Variants in STK3 observed in about 807,000 individuals in gnomAD.
STK3 encodes the protein serine/threonine kinase 3.
STK3 carries 41 observed loss-of-function variants against 58.0 expected under a neutral mutation model. The ratio of observed to expected loss-of-function variants is 0.71; its 90% CI spans 0.55 to 0.92. The LOEUF is 0.92. Ranked by LOEUF, STK3 falls within the 40% of genes least tolerant of loss-of-function variation. The probability of loss-of-function intolerance (pLI) is 0.00; values close to 1 mark genes in which losing one functional copy is unlikely to be tolerated. For missense variants in STK3, 479 were observed against 602.7 expected (o/e 0.79, Z 2.15); for synonymous variants, 170 against 191.0 (o/e 0.89, Z 0.91).
intron 3 of STK3, among the ~76,000 whole-genome samples, chr8:98,411,968 G>A (rs1818062024): frequency 6.6e-6 from 1 of 152,072 alleles, no homozygotes; most frequent in Non-Finnish European, 1.5e-5. Flanking sequence ...TCTGTTCCTT[G>A]GGCTTGATTA....
chr8:98,935,030 C>T (rs537054555), intron 1 of STK3, among the ~76,000 whole-genome samples: 69 of 152,328 alleles, frequency 4.5e-4, no homozygotes, highest in Admixed American at 1.1e-3. Context: ...ATCCATTCTC[C>T]TTTTCTTTAG....
intron 4 of STK3, among the ~76,000 whole-genome samples, chr8:98,713,056 G>T (rs1404223809): frequency 6.6e-6 from 1 of 152,050 alleles, no homozygotes; most frequent in Non-Finnish European, 1.5e-5. Flanking sequence ...ACGAAATGAA[G>T]GCAGAAATAA....
chr8:98,856,472 C>T (rs1377437216), intron 3 of STK3, among the ~76,000 whole-genome samples: 1 of 152,170 alleles, frequency 6.6e-6, no homozygotes, highest in Non-Finnish European at 1.5e-5. Flanking sequence ...CATCATTAGT[C>T]ATCAAGGAGA....
At chr8:98,685,205 T>C (rs959586248) in intron 6 of STK3, among the ~76,000 whole-genome samples, 1 of 152,174 alleles carries the variant, frequency 6.6e-6, no homozygotes, top group African/African-American at 2.4e-5. Context: ...TCAGTAAGTA[T>C]TACTCTAAGC....
At chr8:98,732,890 A>G (rs1828311019) in intron 4 of STK3, among the ~76,000 whole-genome samples, 1 of 152,232 alleles carries the variant, frequency 6.6e-6, no homozygotes, top group Non-Finnish European at 1.5e-5. Context: ...ACAAAAAAAG[A>G]AAAAACTCCC....
Position 98,455,824 on chromosome 8 carries a change from A to C in STK3, c.*18T>G. 1 of 1,612,892 alleles carries C rather than the reference A, an allele frequency of 6.2e-7. No homozygotes were observed. The highest frequency in any genetic ancestry group is 2.2e-5 in the East Asian group (1 of 44,856). On this transcript the variant is annotated 3_prime_UTR_variant, in exon 11 of 11. Transcript: ENST00000419617. ...TTCTTGGTCTCCAGAATAGTTAAAA[A>C]CAGAGAGGAAATTAGACTCAAAAGT...
intron 6 of STK3, among the ~76,000 whole-genome samples, chr8:98,688,759 G>C (rs1824191384): frequency 6.6e-6 from 1 of 152,082 alleles, no homozygotes; most frequent in Non-Finnish European, 1.5e-5. Flanking sequence ...AAACCTCTGG[G>C]ATACGGCAAA....
intron 10 of STK3, among the ~76,000 whole-genome samples, chr8:98,463,322 T>C (rs1358771642): frequency 2.0e-5 from 3 of 152,088 alleles, no homozygotes; most frequent in Middle Eastern, 3.2e-3. Context: ...CCTTGATAAT[T>C]ACATTTCATT....
Position 98,454,846 on chromosome 8 carries a change from T to G in STK3, c.*996A>C, listed in dbSNP as rs1243280491. On this transcript the variant is annotated 3_prime_UTR_variant, in exon 11 of 11. Coordinates refer to ENST00000419617, the MANE Select transcript of STK3 (RefSeq NM_006281.4). ...AGTCCCCAAGGCTTGTACCACTCAG[T>G]ACAAATGTTTTTGCTACTGGGTTAT... is the stretch of plus-strand genomic sequence containing the variant. The G allele has an allele frequency of 2.0e-5, 3 of 152,496 alleles. No individual in the cohort carries two copies. The allele number at this position is 152,496 out of a possible 1,614,324, so 9.4% of individuals were successfully genotyped here. A position where few individuals can be genotyped will look rare whatever the true frequency, so the allele number is the denominator to read the frequency against.
chr8:98,672,491 A>C (rs1822905829), intron 6 of STK3, among the ~76,000 whole-genome samples: 1 of 152,238 alleles, frequency 6.6e-6, no homozygotes, highest in African/African-American at 2.4e-5. Context: ...AATTTGTTTT[A>C]CATAAAATCT....
intron 3 of STK3, among the ~76,000 whole-genome samples, chr8:98,417,446 G>A (rs1420142177): frequency 6.6e-6 from 1 of 152,056 alleles, no homozygotes; most frequent in Non-Finnish European, 1.5e-5. Context: ...CCTGGGAGGC[G>A]GAGGTTGCAG....
At chr8:98,842,032 T>C (rs1836009546) in intron 3 of STK3, among the ~76,000 whole-genome samples, 1 of 151,876 alleles carries the variant, frequency 6.6e-6, no homozygotes, top group Non-Finnish European at 1.5e-5. Context: ...AAGATAGCAT[T>C]CACAAATATA....
At chr8:98,853,600 C>T (rs1034793041) in intron 3 of STK3, among the ~76,000 whole-genome samples, 3 of 152,196 alleles carry the variant, frequency 2.0e-5, no homozygotes, top group Admixed American at 6.5e-5. Context: ...TTGCTGACCC[C>T]TGACTGCTTT....
intron 4 of STK3, among the ~76,000 whole-genome samples, chr8:98,745,113 T>C (rs965039946): frequency 1.3e-5 from 2 of 152,164 alleles, no homozygotes; most frequent in Non-Finnish European, 2.9e-5. Context: ...AAGATGTTTA[T>C]CTAACCTCTC....
intron 2 of STK3, among the ~76,000 whole-genome samples, chr8:98,378,403 C>T (rs576642704): frequency 3.8e-4 from 58 of 152,302 alleles, no homozygotes; most frequent in Non-Finnish European, 4.9e-4. Flanking sequence ...CAATGTCATT[C>T]GGTGGTTAAG....
At chr8:98,784,381 T>C (rs1020705055) in intron 1 of STK3, among the ~76,000 whole-genome samples, 1 of 152,212 alleles carries the variant, frequency 6.6e-6, no homozygotes, top group Non-Finnish European at 1.5e-5. Flanking sequence ...CTGCTACAGC[T>C]ATTGTTTCTC....
rs376271333 is a variant in STK3 at position 98,901,677 on chromosome 8, T to C, written c.-78-17843A>G. Among the ~76,000 whole-genome samples, 233 of 152,340 alleles carry C rather than the reference T, an allele frequency of 1.5e-3. 4 individuals are homozygous for C. The South Asian group carries it at 0.047, about 31-fold the overall frequency. On this transcript the variant is annotated intron_variant, in intron 1 of 1. Transcript: ENST00000519420. ...CACCTGCTCCCTCAGGCAGCCTCATTCCACACTGGCTCCCTTGGGATGACC... is the reference window on the plus strand; with the variant it reads ...CACCTGCTCCCTCAGGCAGCCTCATCCCACACTGGCTCCCTTGGGATGACC...
chr8:98,809,849 A>G (rs1834108744), intron 1 of STK3, among the ~76,000 whole-genome samples: 1 of 152,186 alleles, frequency 6.6e-6, no homozygotes, highest in Non-Finnish European at 1.5e-5. Flanking sequence ...TGGGTATTGC[A>G]TTAATCCGTT....
chr8:98,359,998 C>A, the STK3 span, among the ~76,000 whole-genome samples: 1 of 152,226 alleles, frequency 6.6e-6, no homozygotes, highest in Middle Eastern at 3.4e-3. Context: ...TGTAATGTAC[C>A]TTGTGTCCTT....
Sources: gnomAD v4.1 joint callset for allele counts (sites outside exome capture counted in the v4.1 genomes callset) on GRCh38, gnomAD v4.1.1 for gene constraint, MANE v1.5 for transcripts, NCBI Gene and HGNC (gene_info 2026-07-23, HGNC 2026-07-21) for gene names.